Variants in ERC2 observed in about 807,000 individuals in gnomAD.
ERC2 encodes the protein ERC protein 2.
In ERC2, 42 loss-of-function variants were observed where a neutral mutation model predicts 114.8. The ratio of observed to expected loss-of-function variants is 0.37; its 90% CI spans 0.29 to 0.47. The LOEUF (loss-of-function observed/expected upper bound fraction) is 0.47. Among genes scored for constraint, ERC2 ranks in the 20% least tolerant of loss-of-function variants. ERC2 has a pLI of 0.99. For missense variants in ERC2, 939 were observed against 1,150.7 expected (o/e 0.82, Z 2.66); for synonymous variants, 454 against 425.5 (o/e 1.07, Z -0.82).
At chr3:55,958,868 G>T (rs574882968) in intron 12 of ERC2, among the ~76,000 whole-genome samples, 3 of 152,174 alleles carry the variant, frequency 2.0e-5, no homozygotes, top group African/African-American at 7.2e-5. Flanking sequence ...CCCTGAGAGC[G>T]CAGGGATGCA....
chr3:55,854,309 T>TCCCC (rs2061696134), intron 14 of ERC2, among the ~76,000 whole-genome samples: 1 of 152,216 alleles, frequency 6.6e-6, no homozygotes, highest in Admixed American at 6.5e-5. Context: ...AGCACCTAGA[T>TCCCC]AAGATTTAAA....
At chr3:55,841,228 C>G (rs1254286731) in intron 14 of ERC2, among the ~76,000 whole-genome samples, 1 of 152,120 alleles carries the variant, frequency 6.6e-6, no homozygotes, top group Non-Finnish European at 1.5e-5. Context: ...AATTGTAGCT[C>G]CCATAATTCC....
chr3:55,565,191 A>C (rs1216280578), intron 17 of ERC2, among the ~76,000 whole-genome samples: 1 of 152,264 alleles, frequency 6.6e-6, no homozygotes, highest in Non-Finnish European at 1.5e-5. Context: ...CAATTATTTT[A>C]GCATTTTCTG....
intron 7 of ERC2, among the ~76,000 whole-genome samples, chr3:56,025,230 C>A (rs1447708323): frequency 6.6e-6 from 1 of 152,148 alleles, no homozygotes; most frequent in Non-Finnish European, 1.5e-5. Flanking sequence ...CAGGGCCTAC[C>A]AAACCATGGA....
chr3:55,907,182 C>G (rs368119161), intron 13 of ERC2, among the ~76,000 whole-genome samples: 1 of 152,130 alleles, frequency 6.6e-6, no homozygotes, highest in Non-Finnish European at 1.5e-5. Context: ...CTTTGCTTGC[C>G]GGATTTATCA....
At chr3:56,123,645 C>T (rs1575505981) in intron 6 of ERC2, among the ~76,000 whole-genome samples, 1 of 152,348 alleles carries the variant, frequency 6.6e-6, no homozygotes, top group Admixed American at 6.5e-5. Context: ...CTCGCAGCCT[C>T]TACTCTGGCT....
chr3:56,417,855 A>G (rs2061228145), intron 2 of ERC2, among the ~76,000 whole-genome samples: 1 of 152,240 alleles, frequency 6.6e-6, no homozygotes, highest in Non-Finnish European at 1.5e-5. Flanking sequence ...TACTAGGATT[A>G]CAATGTAAGC....
intron 14 of ERC2, among the ~76,000 whole-genome samples, chr3:55,771,947 A>C (rs1191576273): frequency 6.6e-6 from 1 of 152,090 alleles, no homozygotes; most frequent in Non-Finnish European, 1.5e-5. Context: ...ACTCACTTGG[A>C]GGGGTGAAAT....
chr3:55,817,320 C>T (rs1351169978), intron 14 of ERC2, among the ~76,000 whole-genome samples: 1 of 152,182 alleles, frequency 6.6e-6, no homozygotes, highest in Non-Finnish European at 1.5e-5. Context: ...TCACATCTAA[C>T]GTGCACAGGT....
chr3:55,613,231 T>C lies in ERC2; in HGVS notation c.*39+70563A>G, dbSNP rs1378224865. ...ACAGCCTGAATAATTCACAACCCAATTGCTGTTTTACAAGCAAGCCTGGGA... is the reference window on the plus strand; with the variant it reads ...ACAGCCTGAATAATTCACAACCCAACTGCTGTTTTACAAGCAAGCCTGGGA... On this transcript the variant is annotated intron_variant, in intron 17 of 17. Coordinates refer to ENST00000288221, the MANE Select transcript of ERC2 (RefSeq NM_015576.3). 4 of 152,324 alleles carry C rather than the reference T, an allele frequency of 2.6e-5. No individual in the cohort carries two copies. In the East Asian group the frequency reaches 5.8e-4, roughly 22 times the overall value. 9.4% of individuals were successfully genotyped at this position (152,324 alleles called of 1,614,324 possible). A position where few individuals can be genotyped will look rare whatever the true frequency, so the allele number is the denominator to read the frequency against.
intron 13 of ERC2, among the ~76,000 whole-genome samples, chr3:55,932,205 A>T (rs959550545): frequency 6.6e-6 from 1 of 152,190 alleles, no homozygotes; most frequent in Non-Finnish European, 1.5e-5. Context: ...ATGATGGATA[A>T]CCTAGGGTCT....
intron 8 of ERC2, among the ~76,000 whole-genome samples, chr3:56,014,317 C>A (rs546866754): frequency 2.0e-5 from 3 of 152,272 alleles, no homozygotes; most frequent in South Asian, 2.1e-4. Flanking sequence ...CCCTCCCTGG[C>A]CCTTCTAGTC....
chr3:55,962,347 T>G (rs569736758), intron 12 of ERC2, among the ~76,000 whole-genome samples: 2 of 152,378 alleles, frequency 1.3e-5, no homozygotes, highest in African/African-American at 4.8e-5. Context: ...ATATGGCCTC[T>G]GTCAAAACTA....
intron 7 of ERC2, among the ~76,000 whole-genome samples, chr3:56,047,274 G>A (rs1029781709): frequency 1.3e-5 from 2 of 152,154 alleles, no homozygotes; most frequent in South Asian, 2.1e-4. Context: ...TCTATGCTTT[G>A]TTAACAAATT....
At position 56,186,114 on chromosome 3, in the gene ERC2, T is replaced by TAAAAAAAAAAAAAAAAAAAAA. The variant is rs201544979; in HGVS notation, c.1075-12615_1075-12595dup. 3.1e-4 allele frequency among the ~76,000 whole-genome samples: 32 copies of TAAAAAAAAAAAAAAAAAAAAA among 102,538 alleles called. 3 individuals carry two copies. Among genetic ancestry groups the TAAAAAAAAAAAAAAAAAAAAA allele is most frequent in the Admixed American group, 5.3e-4 (5 of 9,448 alleles). 67.3% of individuals were successfully genotyped at this position (102,538 alleles called of 152,430 possible). On this transcript the variant is annotated intron_variant, in intron 3 of 17. Transcript: ENST00000288221. Reference sequence around the variant, plus strand: ...GAAAGCATATACATCTCAAGAACCTTAAAAAAAAAAAAAAAAAAAAAAAAA... The same window carrying TAAAAAAAAAAAAAAAAAAAAA: ...GAAAGCATATACATCTCAAGAACCTTAAAAAAAAAAAAAAAAAAAAAAAAAAAAAAAAAAAAAAAAAAAAAA...
intron 14 of ERC2, among the ~76,000 whole-genome samples, chr3:55,838,937 A>C (rs1008379922): frequency 1.3e-5 from 2 of 151,912 alleles, no homozygotes; most frequent in South Asian, 4.1e-4. Flanking sequence ...GCTACTCATG[A>C]AGGTACCATA....
intron 3 of ERC2, among the ~76,000 whole-genome samples, chr3:56,288,140 C>A (rs1395405356): frequency 2.6e-5 from 4 of 152,160 alleles, no homozygotes; most frequent in Non-Finnish European, 4.4e-5. Context: ...TATAGCTGAG[C>A]CTGTCTCAAC....
chr3:56,009,925 G>A (rs2149569744), intron 9 of ERC2, among the ~76,000 whole-genome samples: 1 of 152,256 alleles, frequency 6.6e-6, no homozygotes, highest in East Asian at 1.9e-4. Flanking sequence ...TTACTATAAT[G>A]TAAAAATAAT....
At chr3:55,607,599 C>T (rs1331970494) in intron 17 of ERC2, among the ~76,000 whole-genome samples, 1 of 135,980 alleles carries the variant, frequency 7.4e-6, no homozygotes, top group African/African-American at 2.7e-5. Flanking sequence ...AACTAAAGAA[C>T]TTAGAAAATA....
Sources: allele counts gnomAD v4.1 joint callset (sites outside exome capture counted in the v4.1 genomes callset), GRCh38; gene constraint gnomAD v4.1.1; transcripts MANE v1.5; gene names NCBI Gene and HGNC (gene_info 2026-07-23, HGNC 2026-07-21).